SORT1: variants seen among roughly 807,000 people sequenced by gnomAD.
SORT1 encodes sortilin.
SORT1 carries 39 observed loss-of-function variants against 101.7 expected under a neutral mutation model. The observed-to-expected ratio is 0.38, with a 90% CI of 0.30 to 0.50. SORT1 has a LOEUF of 0.50. Ranked by LOEUF, SORT1 falls within the 20% of genes least tolerant of loss-of-function variation. The pLI is 0.90. For synonymous variants in SORT1, 396 were observed against 393.7 expected (o/e 1.01, Z -0.07); for missense variants, 878 against 1,040.4 (o/e 0.84, Z 2.15).
Position 109,397,733 on chromosome 1 carries a change from T to C in SORT1, c.160A>G (p.Ile54Val). 8.4e-7 allele frequency: 1 copy of C among 1,186,962 alleles called. No homozygotes were observed. Among genetic ancestry groups the C allele is most frequent in the Non-Finnish European group, 1.0e-6 (1 of 961,900 alleles). The allele number at this position is 1,186,962 out of a possible 1,614,324, so 73.5% of individuals were successfully genotyped here. A position where few individuals can be genotyped will look rare whatever the true frequency, so the allele number is the denominator to read the frequency against. ...GCCCGCAGCCCCCAGCTCACCCCGA[T>C]GGGGCCAGACCAGCGCGGCAGCGGC... ...AAPLPRWSGP[I>V]GVSWGLRAAA... The change falls in exon 1 of 20, where the codon ATC (isoleucine) becomes GTC (valine). Residue 54 changes from isoleucine to valine, a missense_variant. Around this residue, in one of 2 missense-constraint regions of SORT1, gnomAD observed 194 missense variants for 145.9 expected, o/e 1.33. Coordinates refer to ENST00000256637, the MANE Select transcript of SORT1 (RefSeq NM_002959.7).
At chr1:109,371,026 C>G (rs144291420) in intron 1 of SORT1, among the ~76,000 whole-genome samples, 1 of 152,306 alleles carries the variant, frequency 6.6e-6, no homozygotes, top group Non-Finnish European at 1.5e-5. Context: ...TCCGAATTCA[C>G]GTATGTGATT....
rs1557822568 is a variant in SORT1, at chr1:109,378,734, AT to A, written c.307-9146del. Among the ~76,000 whole-genome samples the A allele has an allele frequency of 2.0e-3, 220 of 108,802 alleles. 6 individuals are homozygous for A. Among genetic ancestry groups the A allele is most frequent in the African/African-American group, 7.6e-3 (209 of 27,590 alleles). The allele number at this position is 108,802 out of a possible 152,430, so 71.4% of individuals were successfully genotyped here. On this transcript the variant is annotated intron_variant, in intron 1 of 19. Transcript: ENST00000256637. Reference sequence around the variant, plus strand: ...TATATATATATATATATATATATATATATATATATATATATATATATATATA... The same window carrying A: ...TATATATATATATATATATATATATAATATATATATATATATATATATATA...
At chr1:109,361,775 A>G (rs1650736673) in intron 3 of SORT1, among the ~76,000 whole-genome samples, 1 of 152,130 alleles carries the variant, frequency 6.6e-6, no homozygotes, top group South Asian at 2.1e-4. Context: ...GTAATCCCCA[A>G]ATCAGTACTC....
intron 3 of SORT1, among the ~76,000 whole-genome samples, chr1:109,361,666 T>G (rs111868066): frequency 5.8e-4 from 88 of 152,348 alleles, no homozygotes; most frequent in African/African-American, 2.0e-3. Flanking sequence ...CTTAAAAATA[T>G]TATTGTTTTG....
In SORT1 at chr1:109,378,701, T is replaced by G. The variant is rs1315461077; in HGVS notation, c.307-9112A>C. Among the ~76,000 whole-genome samples the G allele has an allele frequency of 0.012, 12 of 1,018 alleles. No homozygotes were observed. The East Asian group carries it at 0.45, about 39-fold the overall frequency. 0.7% of individuals were successfully genotyped at this position (1,018 alleles called of 152,430 possible). The stretch of plus-strand genomic sequence containing the variant: ...AGCCAACAGAAGGTAGAGTGAATGA[T>G]ATATATATATATATATATATATATA... On this transcript the variant is annotated intron_variant, in intron 1 of 19. Transcript: ENST00000256637.
chr1:109,387,379 G>C (rs1652630701), intron 1 of SORT1, among the ~76,000 whole-genome samples: 1 of 152,114 alleles, frequency 6.6e-6, no homozygotes, highest in South Asian at 2.1e-4. Context: ...TGTAGTCCTA[G>C]CTACTGCAGA....
chr1:109,356,513 T>G (rs752549501), intron 3 of SORT1, among the ~76,000 whole-genome samples: 2 of 152,128 alleles, frequency 1.3e-5, no homozygotes, highest in African/African-American at 2.4e-5. Context: ...CCCTTATTAT[T>G]CAGGTTAGTT....
chr1:109,309,691 G>C lies in SORT1; in HGVS notation c.*4352C>G, dbSNP rs1658604608. ...TATTTACACAATGCTAAAGAAATTT[G>C]AGTTTTATTTCCATTTTGTGGAATT... On this transcript the variant is annotated 3_prime_UTR_variant, in exon 20 of 20. Coordinates refer to ENST00000256637, the MANE Select transcript of SORT1 (RefSeq NM_002959.7). The C allele has an allele frequency of 1.3e-5, 2 of 152,270 alleles. No individual in the cohort carries two copies. The highest frequency in any genetic ancestry group is 6.5e-5 in the Admixed American group (1 of 15,302). The allele number at this position is 152,270 out of a possible 1,614,324, so 9.4% of individuals were successfully genotyped here.
intron 6 of SORT1, among the ~76,000 whole-genome samples, chr1:109,349,474 A>C (rs1488646063): frequency 1.3e-5 from 2 of 152,186 alleles, no homozygotes; most frequent in Non-Finnish European, 2.9e-5. Context: ...CATTAAAAAA[A>C]CATTTCTGGG....
intron 11 of SORT1, among the ~76,000 whole-genome samples, chr1:109,335,459 G>C (rs1314451737): frequency 6.6e-6 from 1 of 152,112 alleles, no homozygotes; most frequent in Non-Finnish European, 1.5e-5. Context: ...TGTTGGGGTG[G>C]TGTAGGAAGG....
intron 15 of SORT1, 87 bp downstream of exon 15, chr1:109,322,845 T>C: frequency 9.0e-7 from 1 of 1,115,616 alleles, no homozygotes; most frequent in South Asian, 1.5e-5. Context: ...CGGCTGGATT[T>C]CAATATTTGT....
intron 1 of SORT1, among the ~76,000 whole-genome samples, chr1:109,378,754 ATATATAT>A (rs1652036479): frequency 6.8e-5 from 5 of 73,314 alleles, no homozygotes; most frequent in African/African-American, 2.5e-4. Flanking sequence ...ATATATATAT[ATATATAT>A]AAAGATGTTA....
At chr1:109,319,781 C>T (rs1463059843) in intron 15 of SORT1, among the ~76,000 whole-genome samples, 1 of 151,846 alleles carries the variant, frequency 6.6e-6, no homozygotes, top group Non-Finnish European at 1.5e-5. Flanking sequence ...GCAGAAGAAT[C>T]GCTTGAACCC....
intron 11 of SORT1, 75 bp from the exon 12 acceptor site, chr1:109,327,676 T>C: frequency 1.0e-6 from 1 of 978,146 alleles, no homozygotes; most frequent in Non-Finnish European, 1.5e-6. Flanking sequence ...CACAAAACCC[T>C]TCCAATAAAG....
intron 2 of SORT1, 95 bp from the exon 3 acceptor site, chr1:109,367,576 G>C (rs964476609): frequency 4.0e-6 from 3 of 746,216 alleles, no homozygotes; most frequent in African/African-American, 3.5e-5. Flanking sequence ...AAAGACTTTT[G>C]ATATCCCTAC....
At chr1:109,358,401 T>C (rs1650470710) in intron 3 of SORT1, among the ~76,000 whole-genome samples, 1 of 152,212 alleles carries the variant, frequency 6.6e-6, no homozygotes, top group African/African-American at 2.4e-5. Flanking sequence ...GGCGTGATCC[T>C]AGCACTTTAT....
rs1246715024 is a variant in SORT1, at chr1:109,354,378, G to A, written c.697C>T (p.Leu233Phe). ...SPQNSDYLLA[L>F]STENGLWVSK... ...TCAACTGGACTTACTTCAGTGCTGA[G>A]AGCTAAAAGATAATCAGAATTCTGA... The change falls in exon 5 of 20, where the codon CTC (leucine) becomes TTC (phenylalanine). Residue 233 changes from leucine to phenylalanine, a missense_variant. Physicochemically the swap from Leu to Phe is conservative, Grantham distance 22. This residue lies in a region of SORT1 where 684 missense variants were observed against 894.5 expected (regional missense o/e 0.76). Coordinates refer to ENST00000256637, the MANE Select transcript of SORT1 (RefSeq NM_002959.7). The A allele has an allele frequency of 1.2e-6, 2 of 1,613,298 alleles. No individual in the cohort carries two copies. The highest frequency in any genetic ancestry group is 2.2e-5 in the South Asian group (2 of 90,976).
At chr1:109,317,315 C>T (rs551662790) in intron 16 of SORT1, among the ~76,000 whole-genome samples, 1 of 152,152 alleles carries the variant, frequency 6.6e-6, no homozygotes, top group Non-Finnish European at 1.5e-5. Context: ...CAGCACTGTC[C>T]AATATGGTGG....
chr1:109,350,216 T>C (rs942426026), intron 6 of SORT1, among the ~76,000 whole-genome samples: 7 of 152,212 alleles, frequency 4.6e-5, no homozygotes, highest in African/African-American at 1.7e-4. Context: ...CTAAACAACA[T>C]TCTGAGCCTA....
Sources: gnomAD v4.1 joint callset for allele counts (sites outside exome capture counted in the v4.1 genomes callset) on GRCh38, gnomAD v4.1.1 for gene constraint, gnomAD v4.1.1 regional missense constraint, MANE v1.5 for transcripts, NCBI Gene and HGNC (gene_info 2026-07-23, HGNC 2026-07-21) for gene names.